The following TREH variants were observed in gnomAD, a reference collection of about 807,000 sequenced individuals.
The protein encoded by TREH is trehalase.
Under a neutral mutation model 80.5 loss-of-function variants are expected in TREH, and 69 were observed. The observed-to-expected ratio is 0.86, with a 90% CI of 0.71 to 1.05. The LOEUF is 1.05. Among genes scored for constraint, TREH ranks in the 50% least tolerant of loss-of-function variants. TREH has a pLI of 0.00. For missense variants in TREH, 716 were observed against 718.8 expected (o/e 1.00, Z 0.04); for synonymous variants, 309 against 293.5 (o/e 1.05, Z -0.54).
At chr11:118,676,837 C>T (rs1949485551) in intron 1 of TREH, among the ~76,000 whole-genome samples, 1 of 95,902 alleles carries the variant, frequency 1.0e-5, no homozygotes, top group Non-Finnish European at 2.0e-5. Context: ...TAATAACAGA[C>T]ATTCCTATCA....
chr11:118,679,633 C>T lies in TREH; in HGVS notation c.-6G>A, dbSNP rs1051740137. 2.3e-5 allele frequency: 34 copies of T among 1,486,430 alleles called. No homozygotes were observed. Among genetic ancestry groups the T allele is most frequent in the Non-Finnish European group, 3.0e-5 (33 of 1,112,608 alleles). The allele number at this position is 1,486,430 out of a possible 1,614,324, so 92.1% of individuals were successfully genotyped here. ...TCCCAGGTCCTCCCTGGCATGGTGGCTGTGACTGTGACTGAATGAGCAAGC... is the reference window on the plus strand; with the variant it reads ...TCCCAGGTCCTCCCTGGCATGGTGGTTGTGACTGTGACTGAATGAGCAAGC... On this transcript the variant is annotated 5_prime_UTR_variant, in exon 1 of 15. Coordinates refer to ENST00000264029, the MANE Select transcript of TREH (RefSeq NM_007180.3).
intron 10 of TREH, 63 bp downstream of exon 10, chr11:118,660,476 C>T (rs1949306983): frequency 3.4e-6 from 5 of 1,489,706 alleles, no homozygotes; most frequent in Middle Eastern, 1.8e-4. Context: ...ACTTCCAGTT[C>T]TATTGCCAAG....
At chr11:118,670,842 G>GT (rs1169690894) in intron 1 of TREH, among the ~76,000 whole-genome samples, 2 of 152,180 alleles carry the variant, frequency 1.3e-5, no homozygotes, top group East Asian at 3.8e-4. Context: ...TGAAGAGGCG[G>GT]TATCATCTTT....
In TREH at chr11:118,661,226, A is replaced by G. The variant is rs527669983; in HGVS notation, c.791T>C (p.Val264Ala). The G allele has an allele frequency of 6.8e-6, 11 of 1,613,966 alleles. No individual in the cohort carries two copies. In the East Asian group the frequency reaches 8.9e-5, roughly 13 times the overall value. Residue 264 changes from valine to alanine, a missense_variant, in exon 8 of 15, where the codon GTC becomes GCC. Transcript: ENST00000264029. The surrounding 1 kb of genome is among the most constrained non-coding windows in gnomAD (Gnocchi z 4.2). ...GTTCTTTCCCTCCAAGCTCACAGAGACAGTCCTGTTCTTGGTCCAAAAGTC... is the reference window on the plus strand; with the variant it reads ...GTTCTTTCCCTCCAAGCTCACAGAGGCAGTCCTGTTCTTGGTCCAAAAGTC... ...ELDFWTKNRTVSVSLEGKNYL... is the reference protein window; with the variant it reads ...ELDFWTKNRTASVSLEGKNYL...
At position 118,664,015 on chromosome 11, in the gene TREH, G is replaced by A. The variant is rs79816120; in HGVS notation, c.90-576C>T. On this transcript the variant is annotated intron_variant, in intron 1 of 14. Coordinates refer to ENST00000264029, the MANE Select transcript of TREH (RefSeq NM_007180.3). ...TGATGTCAGAGGAACACTTTGTAAC[G>A]AAGGCAGTGCCCAGAAGAGTTCCTG... Among the ~76,000 whole-genome samples the A allele has an allele frequency of 9.9e-3, 1,514 of 152,252 alleles. 18 individuals carry two copies. Among genetic ancestry groups the A allele is most frequent in the African/African-American group, 0.034 (1,428 of 41,534 alleles).
At position 118,660,655 on chromosome 11, in the gene TREH, C is replaced by T. The variant is rs1949309781; in HGVS notation, c.986G>A (p.Gly329Glu). ...GCTAAGCGAGTTGGGGTTTGGGCCT[C>T]CAATGAGCCAGCGTGAAGAGAAGTC... Reference protein sequence around the residue: ...GWDFSSRWLIGGPNPNSLSGI... With the variant: ...GWDFSSRWLIEGPNPNSLSGI... Residue 329 changes from glycine to glutamate, a missense_variant, in exon 10 of 15, where the codon GGA (glycine) becomes GAA (glutamate). By Grantham distance (98) the Gly-to-Glu change is moderately conservative (BLOSUM62 -2). Transcript: ENST00000264029. 1 of 1,605,888 alleles carries T rather than the reference C, an allele frequency of 6.2e-7. No individual in the cohort carries two copies. The highest frequency in any genetic ancestry group is 8.5e-7 in the Non-Finnish European group (1 of 1,176,270).
In TREH at chr11:118,663,348, T is replaced by C. The variant is rs370506388; in HGVS notation, c.181A>G (p.Ile61Val). ...DKQFVDMPLSIAPEQVLQTFT... is the reference protein window; with the variant it reads ...DKQFVDMPLSVAPEQVLQTFT... The stretch of plus-strand genomic sequence containing the variant: ...GCCCTAGGTGCTTCACCTGGAGCTA[T>C]AGACAGTGGCATGTCCACAAACTGC... Residue 61 changes from isoleucine (I) to valine (V), a missense_variant, in exon 2 of 15, where the codon ATA becomes GTA. Physicochemically the swap from Ile to Val is conservative, Grantham distance 29. Coordinates refer to ENST00000264029, the MANE Select transcript of TREH (RefSeq NM_007180.3). The C allele has an allele frequency of 5.0e-6, 8 of 1,590,778 alleles. No individual in the cohort carries two copies. In the African/African-American group the frequency reaches 9.4e-5, roughly 19 times the overall value.
At chr11:118,658,501 C>T in intron 14 of TREH, 60 bp from the exon 15 acceptor site, 1 of 1,575,102 alleles carries the variant, frequency 6.3e-7, no homozygotes, top group Non-Finnish European at 8.6e-7. Context: ...TTGGTGGGGG[C>T]TGTGGGCTCT....
chr11:118,659,464 A>T lies in TREH; in HGVS notation c.1338T>A (p.Thr446=). The T allele has an allele frequency of 6.2e-7, 1 of 1,601,280 alleles. No individual in the cohort carries two copies. Among genetic ancestry groups the T allele is most frequent in the Non-Finnish European group, 8.5e-7 (1 of 1,173,240 alleles). Residue 446 remains threonine (T), a synonymous_variant, in exon 12 of 15, where the codon ACT becomes ACA. Transcript: ENST00000264029. The part of the protein sequence containing the change: ...LKYLEDNRIL[T]YQYGIPTSLQ... ...GAGAGGTCGGGATCCCATACTGGTAAGTCAGGATCCGGTTGTCCTAGAAGG... is the reference window on the plus strand; with the variant it reads ...GAGAGGTCGGGATCCCATACTGGTATGTCAGGATCCGGTTGTCCTAGAAGG...
chr11:118,661,339 G>A lies in TREH; in HGVS notation c.734+54C>T. 1 of 1,613,942 alleles carries A rather than the reference G, an allele frequency of 6.2e-7. No individual in the cohort carries two copies. Among genetic ancestry groups the A allele is most frequent in the Non-Finnish European group, 8.5e-7 (1 of 1,179,810 alleles). On this transcript the variant is annotated intron_variant, in intron 7 of 14. Coordinates refer to ENST00000264029, the MANE Select transcript of TREH (RefSeq NM_007180.3). The surrounding 1 kb of genome is among the most constrained non-coding windows in gnomAD (Gnocchi z 4.2). Reference sequence around the variant, plus strand: ...GCGTGCTGCCCATCCCCAGCCCTGAGAGGTCTGAGGGATGGGTGGGTCTGC... The same window carrying A: ...GCGTGCTGCCCATCCCCAGCCCTGAAAGGTCTGAGGGATGGGTGGGTCTGC...
intron 1 of TREH, among the ~76,000 whole-genome samples, chr11:118,667,305 A>G (rs1949387021): frequency 6.6e-6 from 1 of 152,114 alleles, no homozygotes; most frequent in African/African-American, 2.4e-5. Context: ...CAGCCTCCTG[A>G]GTAGCTGGGA....
At chr11:118,670,700 C>T (rs1949422885) in intron 1 of TREH, among the ~76,000 whole-genome samples, 1 of 152,208 alleles carries the variant, frequency 6.6e-6, no homozygotes, top group Non-Finnish European at 1.5e-5. Context: ...ATCACCAGAT[C>T]ATATGACAAA....
At chr11:118,673,360 C>T (rs1949447563) in intron 1 of TREH, among the ~76,000 whole-genome samples, 1 of 152,212 alleles carries the variant, frequency 6.6e-6, no homozygotes, top group South Asian at 2.1e-4. Flanking sequence ...GCCCTCCAGG[C>T]CTACCAGCAT....
chr11:118,661,131 A>G lies in TREH; in HGVS notation c.857+29T>C. ...TCTAACCAGAGTGAGCAGGTAAGAGATTGAGGGGTGGGCTGCCCAGTTCCT... is the reference window on the plus strand; with the variant it reads ...TCTAACCAGAGTGAGCAGGTAAGAGGTTGAGGGGTGGGCTGCCCAGTTCCT... On this transcript the variant is annotated intron_variant, in intron 8 of 14. Coordinates refer to ENST00000264029, the MANE Select transcript of TREH (RefSeq NM_007180.3). The surrounding 1 kb of genome is among the most constrained non-coding windows in gnomAD (Gnocchi z 4.2). 1.2e-6 allele frequency: 2 copies of G among 1,613,484 alleles called. No individual in the cohort carries two copies. The highest frequency in any genetic ancestry group is 2.7e-5 in the African/African-American group (2 of 74,964).
rs782245431 is a variant in TREH, at chr11:118,661,453, G to A, written c.674C>T (p.Pro225Leu). ...GCAATCCATCATGAGGGTCAAGAGT[G>A]GGGGCTGGCTCCGCTGCAGGTAGTA... The part of the protein sequence containing the change: ...RVYYLQRSQP[P>L]LLTLMMDCYL... The change falls in exon 7 of 15, where the codon CCA (proline) becomes CTA (leucine). Residue 225 changes from proline (P) to leucine (L), a missense_variant. Pro to Leu is a moderately conservative substitution (Grantham distance 98, BLOSUM62 -3). Coordinates refer to ENST00000264029, the MANE Select transcript of TREH (RefSeq NM_007180.3). The surrounding 1 kb of genome is among the most constrained non-coding windows in gnomAD (Gnocchi z 4.2). 1.1e-4 allele frequency: 176 copies of A among 1,613,796 alleles called. No individual in the cohort carries two copies. Among genetic ancestry groups the A allele is most frequent in the Non-Finnish European group, 1.4e-4 (171 of 1,179,868 alleles).
chr11:118,664,192 C>T (rs191772464), intron 1 of TREH, among the ~76,000 whole-genome samples: 1 of 152,218 alleles, frequency 6.6e-6, no homozygotes, highest in East Asian at 1.9e-4. Flanking sequence ...TAGAAGGGGC[C>T]CTATGAACAG....
chr11:118,671,057 T>C (rs1267809743), intron 1 of TREH, among the ~76,000 whole-genome samples: 3 of 152,166 alleles, frequency 2.0e-5, no homozygotes, highest in Non-Finnish European at 4.4e-5. Flanking sequence ...GTCTTGTAAA[T>C]GCTTCTCCTT....
At position 118,659,957 on chromosome 11, in the gene TREH, G is replaced by A; in HGVS notation, c.1110C>T (p.Asp370=). Reference sequence around the variant, plus strand: ...GGATTCTGTACTTCGTGGCCTGGGAGTCGTTCCCTGGGGCAGTGCTGCCTT... The same window carrying A: ...GGATTCTGTACTTCGTGGCCTGGGAATCGTTCCCTGGGGCAGTGCTGCCTT... ...MSNFYSRLGN[D]SQATKYRILR... The change falls in exon 11 of 15, where the codon GAC becomes GAT. Residue 370 remains aspartate, a synonymous_variant. Coordinates refer to ENST00000264029, the MANE Select transcript of TREH (RefSeq NM_007180.3). The A allele has an allele frequency of 1.3e-6, 2 of 1,551,308 alleles. No homozygotes were observed. Among genetic ancestry groups the A allele is most frequent in the Non-Finnish European group, 1.7e-6 (2 of 1,147,012 alleles).
chr11:118,658,203 A>G lies in TREH; in HGVS notation c.*86T>C. The stretch of plus-strand genomic sequence containing the variant: ...CTCTGAGGACAGGCTGGGAGGTAGG[A>G]GGGCATGAAGAGGCAGGGGAAGGCA... On this transcript the variant is annotated 3_prime_UTR_variant, in exon 15 of 15. Transcript: ENST00000264029. 1.3e-6 allele frequency: 2 copies of G among 1,490,278 alleles called. 1 individual carries two copies. The highest frequency in any genetic ancestry group is 4.7e-4 in the Middle Eastern group (2 of 4,256). The allele number at this position is 1,490,278 out of a possible 1,614,324, so 92.3% of individuals were successfully genotyped here.
Sources: gnomAD v4.1 joint callset for allele counts (sites outside exome capture counted in the v4.1 genomes callset) on GRCh38, gnomAD v4.1.1 for gene constraint, Gnocchi (gnomAD v3.1) non-coding constraint, MANE v1.5 for transcripts, NCBI Gene and HGNC (gene_info 2026-07-23, HGNC 2026-07-21) for gene names.